CFAP20DC: variants seen among roughly 807,000 people sequenced by gnomAD.
The protein encoded by CFAP20DC is CFAP20 domain containing.
In CFAP20DC, 84 loss-of-function variants were observed where a neutral mutation model predicts 101.7. That is an observed-to-expected ratio of 0.83 (90% CI 0.69 to 0.99). CFAP20DC has a LOEUF of 0.99. Ranked by LOEUF, CFAP20DC falls within the 50% of genes least tolerant of loss-of-function variation. The pLI, the probability that CFAP20DC is intolerant of heterozygous loss-of-function variation, is 0.00. For missense variants in CFAP20DC, 1,007 were observed against 970.3 expected, an observed-to-expected ratio of 1.04 and a Z score of -0.50; for synonymous variants, 359 against 351.2, an observed-to-expected ratio of 1.02 and a Z score of -0.25.
intron 4 of CFAP20DC, among the ~76,000 whole-genome samples, chr3:58,974,057 C>T (rs1201936025): frequency 6.6e-6 from 1 of 151,996 alleles, no homozygotes; most frequent in African/African-American, 2.4e-5. Flanking sequence ...TCCCAGGACA[C>T]AGAGCAAGTG....
intron 5 of CFAP20DC, among the ~76,000 whole-genome samples, chr3:58,928,306 A>G (rs915679580): frequency 5.3e-5 from 8 of 152,178 alleles, no homozygotes; most frequent in South Asian, 2.1e-4. Flanking sequence ...TATGCCCAAA[A>G]TATCTACTCT....
At chr3:58,848,456 A>C (rs1284960076) in intron 13 of CFAP20DC, among the ~76,000 whole-genome samples, 1 of 152,192 alleles carries the variant, frequency 6.6e-6, no homozygotes, top group African/African-American at 2.4e-5. Context: ...TTCTAAGTGC[A>C]GCTTATAGGG....
At chr3:58,983,918 T>C (rs2092669725) in intron 4 of CFAP20DC, among the ~76,000 whole-genome samples, 1 of 152,186 alleles carries the variant, frequency 6.6e-6, no homozygotes, top group African/African-American at 2.4e-5. Context: ...CCCTAGCATC[T>C]GTCATTTAAA....
At chr3:58,794,276 C>G (rs1263182811) in intron 15 of CFAP20DC, 8 of 448,302 alleles carry the variant, frequency 1.8e-5, no homozygotes, top group Admixed American at 4.7e-5. Flanking sequence ...ATTTTCTTGT[C>G]CTGAGCACCA....
intron 3 of CFAP20DC, among the ~76,000 whole-genome samples, chr3:59,042,050 T>C (rs546910979): frequency 6.6e-6 from 1 of 152,208 alleles, no homozygotes; most frequent in African/African-American, 2.4e-5. Context: ...CATATAACCC[T>C]GGGTCCTTGC....
In CFAP20DC at chr3:58,861,246, T is replaced by C; in HGVS notation, c.1593+2312A>G. ...AATGGGCTAACATCAAATAAAGTCT[T>C]TTAATTACACTTTATAAACTTCAAG... On this transcript the variant is annotated intron_variant, in intron 12 of 16. Coordinates refer to ENST00000482387, the MANE Select transcript of CFAP20DC (RefSeq NM_001394063.1). The surrounding 1 kb of genome is among the most constrained non-coding windows in gnomAD (Gnocchi z 4.0). 1.9e-6 allele frequency: 1 copy of C among 538,854 alleles called. No homozygotes were observed. The highest frequency in any genetic ancestry group is 2.4e-6 in the Non-Finnish European group (1 of 422,024). The allele number at this position is 538,854 out of a possible 1,614,324, so 33.4% of individuals were successfully genotyped here.
intron 15 of CFAP20DC, among the ~76,000 whole-genome samples, chr3:58,802,019 C>T (rs562313216): frequency 6.6e-6 from 1 of 152,140 alleles, no homozygotes; most frequent in African/African-American, 2.4e-5. Context: ...TTCCTTCCTC[C>T]CTCCCCCTAA....
intron 15 of CFAP20DC, among the ~76,000 whole-genome samples, chr3:58,765,834 TA>T (rs1222118259): frequency 1.3e-5 from 2 of 152,218 alleles, no homozygotes; most frequent in Non-Finnish European, 2.9e-5. Context: ...ATTTAGATTT[TA>T]AAAATCTTTT....
intron 15 of CFAP20DC, among the ~76,000 whole-genome samples, chr3:58,803,733 T>A (rs2073867678): frequency 6.6e-6 from 1 of 152,204 alleles, no homozygotes; most frequent in South Asian, 2.1e-4. Context: ...TATATGATAA[T>A]TTTTTAGGAA....
rs927718408 is a variant in CFAP20DC, at chr3:58,799,373, A to C, written c.2237+7022T>G. Among the ~76,000 whole-genome samples, 5 of 152,226 alleles carry C rather than the reference A, an allele frequency of 3.3e-5. No individual in the cohort carries two copies. The highest frequency in any genetic ancestry group is 9.6e-5 in the African/African-American group (4 of 41,466). On this transcript the variant is annotated intron_variant, in intron 15 of 16. Transcript: ENST00000482387. This position sits in a 1 kb window ranked among gnomAD's most constrained non-coding sequence, Gnocchi z 4.9. ...TCTGGATATCTTTTAAGGGATCTTT[A>C]AAACAAACTCACAAAAAAGGTTTCG...
chr3:58,816,537 T>C lies in CFAP20DC; in HGVS notation c.2176-10081A>G, dbSNP rs535930185. Among the ~76,000 whole-genome samples, 56 of 152,190 alleles carry C rather than the reference T, an allele frequency of 3.7e-4. 1 individual carries two copies. The highest frequency in any genetic ancestry group is 5.1e-4 in the Non-Finnish European group (35 of 67,990). ...GTCAAAGAAAGGGGTGACGGACGCA[T>C]CTGGAAAATCGGGTGACTCCCACCC... On this transcript the variant is annotated intron_variant, in intron 14 of 16. Coordinates refer to ENST00000482387, the MANE Select transcript of CFAP20DC (RefSeq NM_001394063.1).
At chr3:58,977,985 T>C (rs982167125) in intron 4 of CFAP20DC, among the ~76,000 whole-genome samples, 6 of 152,104 alleles carry the variant, frequency 3.9e-5, no homozygotes, top group African/African-American at 1.4e-4. Flanking sequence ...CCCCTTCCTC[T>C]CAGGAACTGA....
At chr3:58,857,854 TGAG>T (rs369691713) in intron 12 of CFAP20DC, among the ~76,000 whole-genome samples, 176 of 152,282 alleles carry the variant, frequency 1.2e-3, no homozygotes, top group African/African-American at 3.9e-3. Flanking sequence ...TGCATTGTTA[TGAG>T]AAGAAGAGGC....
intron 4 of CFAP20DC, among the ~76,000 whole-genome samples, chr3:58,977,104 G>A (rs1386172092): frequency 6.6e-6 from 1 of 152,208 alleles, no homozygotes; most frequent in Non-Finnish European, 1.5e-5. Context: ...CTTAAGTATT[G>A]TTTGAATCAA....
intron 2 of CFAP20DC, 121 bp from the exon 3 acceptor site, chr3:59,046,443 G>T (rs976249847): frequency 9.0e-6 from 6 of 663,460 alleles, no homozygotes; most frequent in Admixed American, 3.2e-5. Context: ...TTAAAAGCAG[G>T]CTCAGGCCTT....
At chr3:58,798,714 C>T (rs1022677501) in intron 15 of CFAP20DC, among the ~76,000 whole-genome samples, 4 of 152,116 alleles carry the variant, frequency 2.6e-5, no homozygotes, top group African/African-American at 9.7e-5. Flanking sequence ...ATGTGGCAAA[C>T]TTCATTGTTG....
chr3:58,759,010 G>C (rs2069249211), intron 15 of CFAP20DC, among the ~76,000 whole-genome samples: 1 of 152,180 alleles, frequency 6.6e-6, no homozygotes. Context: ...ATGTGCATGT[G>C]TCTTTATAGC....
chr3:59,026,156 A>G (rs2093888116), intron 4 of CFAP20DC, among the ~76,000 whole-genome samples: 1 of 152,192 alleles, frequency 6.6e-6, no homozygotes, highest in Admixed American at 6.5e-5. Flanking sequence ...ATTTAATTTG[A>G]CATAATTAAA....
At chr3:58,761,284 A>G (rs1262102873) in intron 15 of CFAP20DC, among the ~76,000 whole-genome samples, 1 of 152,130 alleles carries the variant, frequency 6.6e-6, no homozygotes, top group East Asian at 1.9e-4. Context: ...GTGTCGAGGA[A>G]TTTATCCATT....
Sources: gnomAD v4.1 joint callset for allele counts (sites outside exome capture counted in the v4.1 genomes callset) on GRCh38, gnomAD v4.1.1 for gene constraint, Gnocchi (gnomAD v3.1) non-coding constraint, MANE v1.5 for transcripts, NCBI Gene and HGNC (gene_info 2026-07-23, HGNC 2026-07-21) for gene names.